The following LYPLAL1 variants were observed in gnomAD, a reference collection of about 807,000 sequenced individuals.
The protein encoded by LYPLAL1 is lysophospholipase-like protein 1.
Under a neutral mutation model 19.7 loss-of-function variants are expected in LYPLAL1, and 23 were observed. The ratio of observed to expected loss-of-function variants is 1.17; its 90% CI spans 0.84 to 1.65. The LOEUF is 1.65. Among genes scored for constraint, LYPLAL1 ranks in the 40% most tolerant of loss-of-function variants. The pLI is 0.00. For synonymous variants in LYPLAL1, 119 were observed against 96.3 expected (o/e 1.24, Z -1.38); for missense variants, 355 against 279.4 (o/e 1.27, Z -1.93).
chr1:219,190,272 A>G (rs56942814), intron 2 of LYPLAL1, among the ~76,000 whole-genome samples: 2,281 of 151,710 alleles, frequency 0.015, 64 homozygotes, highest in African/African-American at 0.052. Context: ...GAGAGACTAG[A>G]TAATGCAGAA....
At chr1:219,322,133 C>T in the LYPLAL1 span, among the ~76,000 whole-genome samples, 1 of 152,196 alleles carries the variant, frequency 6.6e-6, no homozygotes, top group African/African-American at 2.4e-5. Context: ...AGAACCTCCT[C>T]AATGTCTTAT....
the LYPLAL1 span, among the ~76,000 whole-genome samples, chr1:219,332,284 G>A: frequency 6.6e-6 from 1 of 152,090 alleles, no homozygotes; most frequent in Non-Finnish European, 1.5e-5. Flanking sequence ...CAGGATCCTG[G>A]ACCCCAGACA....
At chr1:219,175,066 T>A (rs1444536484) in intron 1 of LYPLAL1, 1 of 985,344 alleles carries the variant, frequency 1.0e-6, no homozygotes, top group Non-Finnish European at 1.2e-6. Flanking sequence ...GGAAAGGTAC[T>A]GGGCAGAGAC....
At chr1:219,419,503 T>C in the LYPLAL1 span, among the ~76,000 whole-genome samples, 1 of 149,874 alleles carries the variant, frequency 6.7e-6, no homozygotes, top group Admixed American at 6.7e-5. Context: ...GAGATCAGAG[T>C]TGGTGCATGC....
intron 3 of LYPLAL1, among the ~76,000 whole-genome samples, chr1:219,203,526 G>A (rs897220553): frequency 4.6e-5 from 7 of 152,294 alleles, no homozygotes; most frequent in East Asian, 1.9e-4. Context: ...AAGGTATAGC[G>A]TAAGCAGCAA....
chr1:219,251,748 G>C, the LYPLAL1 span, among the ~76,000 whole-genome samples: 1 of 151,778 alleles, frequency 6.6e-6, no homozygotes. Flanking sequence ...TTAGGATTGT[G>C]TTGTCTATTC....
the LYPLAL1 span, among the ~76,000 whole-genome samples, chr1:219,327,307 C>T: frequency 2.6e-5 from 4 of 152,128 alleles, no homozygotes; most frequent in Non-Finnish European, 5.9e-5. Context: ...CAGCACAACT[C>T]GCTTTAATTG....
chr1:219,258,909 CTGAT>C, the LYPLAL1 span, among the ~76,000 whole-genome samples: 1 of 151,964 alleles, frequency 6.6e-6, no homozygotes, highest in Non-Finnish European at 1.5e-5. Context: ...ACAAGGATTT[CTGAT>C]CTGCAAGAAA....
the LYPLAL1 span, among the ~76,000 whole-genome samples, chr1:219,419,733 G>C: frequency 6.6e-5 from 10 of 152,242 alleles, 1 homozygote; most frequent in South Asian, 2.1e-3. Context: ...TCCTGACTGT[G>C]GGGGTAGGGG....
the LYPLAL1 span, among the ~76,000 whole-genome samples, chr1:219,260,997 A>AAT: frequency 6.6e-6 from 1 of 152,108 alleles, no homozygotes; most frequent in Non-Finnish European, 1.5e-5. Context: ...TGGGTCACAA[A>AAT]GAAAATATCA....
chr1:219,372,445 CA>C, the LYPLAL1 span, among the ~76,000 whole-genome samples: 2 of 152,034 alleles, frequency 1.3e-5, no homozygotes, highest in Admixed American at 6.5e-5. Context: ...GAGATCTCGG[CA>C]AAAAACTCTT....
the LYPLAL1 span, among the ~76,000 whole-genome samples, chr1:219,436,876 TAAC>T: frequency 6.6e-6 from 1 of 152,218 alleles, no homozygotes; most frequent in African/African-American, 2.4e-5. Context: ...AACTTCTAAA[TAAC>T]AATTTTTCCA....
At chr1:219,213,443 A>C (rs1392438119), downstream of LYPLAL1, among the ~76,000 whole-genome samples, 1 of 145,110 alleles carries the variant, frequency 6.9e-6, no homozygotes, top group Non-Finnish European at 1.5e-5. Context: ...CTGTATCTAC[A>C]AAAAAAAAAA....
the LYPLAL1 span, among the ~76,000 whole-genome samples, chr1:219,240,135 C>G: frequency 6.6e-6 from 1 of 152,172 alleles, no homozygotes; most frequent in Non-Finnish European, 1.5e-5. Flanking sequence ...CATAGCCCAG[C>G]TGGGAAAGAG....
chr1:219,223,185 C>T, the LYPLAL1 span: 1 of 151,778 alleles, frequency 6.6e-6, no homozygotes, highest in Non-Finnish European at 1.5e-5. Flanking sequence ...AAGCTTTTCC[C>T]ACCTGAAAGA....
At chr1:219,432,019 A>T in the LYPLAL1 span, among the ~76,000 whole-genome samples, 1 of 152,262 alleles carries the variant, frequency 6.6e-6, no homozygotes, top group Non-Finnish European at 1.5e-5. Context: ...ATTGATAGCA[A>T]CTATATTTCA....
At chr1:219,354,950 A>G in the LYPLAL1 span, among the ~76,000 whole-genome samples, 2 of 152,252 alleles carry the variant, frequency 1.3e-5, no homozygotes, top group Non-Finnish European at 2.9e-5. Flanking sequence ...ATAAGCAGAA[A>G]TAAAATGTAT....
the LYPLAL1 span, among the ~76,000 whole-genome samples, chr1:219,390,125 G>A: frequency 1.3e-5 from 2 of 152,118 alleles, no homozygotes; most frequent in East Asian, 1.9e-4. Flanking sequence ...AAGCCTGGAA[G>A]CTAAACAGGA....
At chr1:219,307,523 G>A in the LYPLAL1 span, among the ~76,000 whole-genome samples, 2 of 152,278 alleles carry the variant, frequency 1.3e-5, no homozygotes, top group African/African-American at 4.8e-5. Context: ...GTTGATGGCT[G>A]AAATTGCCTA....
Sources: allele counts gnomAD v4.1 joint callset (sites outside exome capture counted in the v4.1 genomes callset), GRCh38; gene constraint gnomAD v4.1.1; transcripts MANE v1.5; gene names NCBI Gene and HGNC (gene_info 2026-07-23, HGNC 2026-07-21).